Variants in MARCHF8 observed in about 807,000 individuals in gnomAD.
MARCHF8 encodes the protein membrane associated ring-CH-type finger 8.
Under a neutral mutation model 51.6 loss-of-function variants are expected in MARCHF8, and 40 were observed. The ratio of observed to expected loss-of-function variants is 0.77; its 90% CI spans 0.60 to 1.01. The LOEUF is 1.01. Among genes scored for constraint, MARCHF8 ranks in the 50% least tolerant of loss-of-function variants. The pLI, the probability that MARCHF8 is intolerant of heterozygous loss-of-function variation, is 0.00. For synonymous variants in MARCHF8, 263 were observed against 280.3 expected, an observed-to-expected ratio of 0.94 and a Z score of 0.62; for missense variants, 685 against 708.6, an observed-to-expected ratio of 0.97 and a Z score of 0.38.
At chr10:45,492,839 G>A (rs1303849496) in intron 2 of MARCHF8, among the ~76,000 whole-genome samples, 1 of 152,192 alleles carries the variant, frequency 6.6e-6, no homozygotes, top group Non-Finnish European at 1.5e-5. Flanking sequence ...AAATGCTTGG[G>A]ACCAGAACTG....
intron 2 of MARCHF8, among the ~76,000 whole-genome samples, chr10:45,507,317 C>T (rs1277073085): frequency 2.0e-5 from 3 of 152,048 alleles, no homozygotes; most frequent in Admixed American, 6.6e-5. Context: ...TCAGTCTGTT[C>T]GCATTACTAT....
At chr10:45,545,853 C>T (rs917897835) in intron 1 of MARCHF8, among the ~76,000 whole-genome samples, 7 of 152,174 alleles carry the variant, frequency 4.6e-5, no homozygotes, top group African/African-American at 1.4e-4. Context: ...CATCACATCT[C>T]GCCCTCTGTC....
At chr10:45,485,392 T>C (rs567535092) in intron 3 of MARCHF8, among the ~76,000 whole-genome samples, 112 of 152,216 alleles carry the variant, frequency 7.4e-4, no homozygotes, top group Non-Finnish European at 1.4e-3. Context: ...ATGATATCCA[T>C]TAACATTGTA....
chr10:45,516,016 T>C (rs2043612240), intron 2 of MARCHF8, among the ~76,000 whole-genome samples: 1 of 152,228 alleles, frequency 6.6e-6, no homozygotes. Context: ...TCTTCCCCTT[T>C]TGAAGTGACA....
At chr10:45,547,630 T>C (rs2044143747) in intron 1 of MARCHF8, among the ~76,000 whole-genome samples, 1 of 152,162 alleles carries the variant, frequency 6.6e-6, no homozygotes, top group African/African-American at 2.4e-5. Context: ...TTGTTTTTTG[T>C]TTTTTTAATT....
upstream of MARCHF8, among the ~76,000 whole-genome samples, chr10:45,539,666 C>T (rs2044023470): frequency 6.6e-6 from 1 of 152,218 alleles, no homozygotes; most frequent in African/African-American, 2.4e-5. Flanking sequence ...GAAATACCAA[C>T]TACCATCAAA....
chr10:45,487,411 G>T (rs965721458), intron 3 of MARCHF8, among the ~76,000 whole-genome samples: 1 of 152,140 alleles, frequency 6.6e-6, no homozygotes, highest in African/African-American at 2.4e-5. Flanking sequence ...GGCTACTAGG[G>T]CAAGGCGACA....
chr10:45,576,772 T>TAAA (rs79524510), intron 1 of MARCHF8, among the ~76,000 whole-genome samples: 53 of 112,438 alleles, frequency 4.7e-4, no homozygotes, highest in African/African-American at 1.5e-3. Context: ...AAATAAAAAT[T>TAAA]AAAAAAAAAA....
Position 45,533,165 on chromosome 10 carries a change from G to A in MARCHF8, c.47C>T (p.Ala16Val). The change falls in exon 2 of 8, where the codon GCC becomes GTC. Residue 16 changes from alanine to valine, a missense_variant. Physicochemically the swap from Ala to Val is moderately conservative, Grantham distance 64 (BLOSUM62 0). Transcript: ENST00000453424. ...ACTTCTGTAGACTCTAGCAGAGATGGCATCCTGGGATGGAATGGCAGAGAT... is the reference window on the plus strand; with the variant it reads ...ACTTCTGTAGACTCTAGCAGAGATGACATCCTGGGATGGAATGGCAGAGAT... ...HQISAIPSQDAISARVYRSKT... is the reference protein window; with the variant it reads ...HQISAIPSQDVISARVYRSKT... 1 of 1,612,780 alleles carries A rather than the reference G, an allele frequency of 6.2e-7. No homozygotes were observed.
intron 1 of MARCHF8, among the ~76,000 whole-genome samples, chr10:45,556,787 T>C (rs1371372156): frequency 2.0e-5 from 3 of 152,218 alleles, no homozygotes; most frequent in Non-Finnish European, 4.4e-5. Context: ...CTGTTTGCTA[T>C]ACTTCTCTGC....
At chr10:45,474,784 G>C (rs966699257) in intron 3 of MARCHF8, among the ~76,000 whole-genome samples, 1 of 152,188 alleles carries the variant, frequency 6.6e-6, no homozygotes, top group Non-Finnish European at 1.5e-5. Flanking sequence ...AGTCAGGCAA[G>C]GCAGCCAAGA....
At chr10:45,580,343 T>C (rs1564523118) in intron 1 of MARCHF8, among the ~76,000 whole-genome samples, 2 of 152,128 alleles carry the variant, frequency 1.3e-5, no homozygotes, top group African/African-American at 2.4e-5. Context: ...AACAGACATA[T>C]TATAAACAGT....
intron 2 of MARCHF8, among the ~76,000 whole-genome samples, chr10:45,520,486 A>G (rs2043688574): frequency 6.6e-6 from 1 of 152,238 alleles, no homozygotes; most frequent in Non-Finnish European, 1.5e-5. Flanking sequence ...AGTGCTGGCC[A>G]GGATAAACTG....
At chr10:45,521,399 T>C (rs1041938448) in intron 2 of MARCHF8, among the ~76,000 whole-genome samples, 1 of 152,204 alleles carries the variant, frequency 6.6e-6, no homozygotes, top group South Asian at 2.1e-4. Context: ...AGAGACATAG[T>C]AAAATGTAGG....
chr10:45,512,690 C>T (rs1170051549), intron 2 of MARCHF8, among the ~76,000 whole-genome samples: 3 of 151,772 alleles, frequency 2.0e-5, no homozygotes, highest in African/African-American at 7.3e-5. Context: ...TGTGAGGAGC[C>T]CCTCTGCCCG....
intron 1 of MARCHF8, among the ~76,000 whole-genome samples, chr10:45,575,130 T>C (rs566780262): frequency 3.3e-5 from 5 of 152,306 alleles, no homozygotes; most frequent in African/African-American, 4.8e-5. Flanking sequence ...ACAACGCTTA[T>C]GCTGATAAGG....
At chr10:45,585,314 G>GA (rs951430453) in intron 1 of MARCHF8, among the ~76,000 whole-genome samples, 11 of 151,624 alleles carry the variant, frequency 7.3e-5, no homozygotes, top group Non-Finnish European at 1.2e-4. Flanking sequence ...GCTCATGATA[G>GA]AAAAAAAATG....
intron 2 of MARCHF8, among the ~76,000 whole-genome samples, chr10:45,507,127 A>G (rs2043400055): frequency 6.6e-6 from 1 of 152,210 alleles, no homozygotes; most frequent in Non-Finnish European, 1.5e-5. Flanking sequence ...CTGTGTAATA[A>G]AAGTTACTTT....
intron 3 of MARCHF8, among the ~76,000 whole-genome samples, chr10:45,486,447 C>T (rs1331697694): frequency 6.6e-6 from 1 of 152,092 alleles, no homozygotes; most frequent in African/African-American, 2.4e-5. Context: ...ACCTGTAATC[C>T]CAGCTACTCA....
Sources: allele counts gnomAD v4.1 joint callset (sites outside exome capture counted in the v4.1 genomes callset), GRCh38; gene constraint gnomAD v4.1.1; transcripts MANE v1.5; gene names NCBI Gene and HGNC (gene_info 2026-07-23, HGNC 2026-07-21).